TUSC3: variants seen among roughly 807,000 people sequenced by gnomAD.
TUSC3 encodes dolichyl-diphosphooligosaccharide--protein glycosyltransferase subunit TUSC3.
In TUSC3, 45 loss-of-function variants were observed where a neutral mutation model predicts 44.8. The observed-to-expected ratio is 1.00, with a 90% confidence interval of 0.79 to 1.29. The LOEUF (loss-of-function observed/expected upper bound fraction) is 1.29, where lower values mean the gene tolerates loss of function less well. Ranked by LOEUF, TUSC3 falls within the 50% of genes most tolerant of loss-of-function variation. TUSC3 has a pLI of 0.00. For synonymous variants in TUSC3, 212 were observed against 152.9 expected (o/e 1.39, Z -2.85); for missense variants, 519 against 437.9 (o/e 1.19, Z -1.65).
chr8:15,759,930 T>C (rs1046435283), intron 10 of TUSC3, among the ~76,000 whole-genome samples: 3 of 151,640 alleles, frequency 2.0e-5, no homozygotes, highest in Non-Finnish European at 4.4e-5. Context: ...CATTTTGTCC[T>C]CATCCTCATC....
chr8:15,679,014 C>T (rs1808303452), intron 6 of TUSC3, among the ~76,000 whole-genome samples: 1 of 152,122 alleles, frequency 6.6e-6, no homozygotes, highest in Admixed American at 6.6e-5. Flanking sequence ...CGTGGATGAG[C>T]ACCTAGGTTG....
intron 2 of TUSC3, among the ~76,000 whole-genome samples, chr8:15,509,928 G>C (rs773480393): frequency 2.0e-5 from 3 of 152,172 alleles, no homozygotes; most frequent in Non-Finnish European, 2.9e-5. Context: ...AGAAAGCTTT[G>C]GTTGGCCTAG....
intron 6 of TUSC3, among the ~76,000 whole-genome samples, chr8:15,710,268 A>C (rs1809789311): frequency 1.3e-5 from 2 of 151,708 alleles, no homozygotes; most frequent in African/African-American, 4.8e-5. Flanking sequence ...ATGCTACCTA[A>C]TTTTTTGCTT....
In TUSC3 at chr8:15,728,099, A is replaced by C. The variant is rs137889054; in HGVS notation, c.799-2567A>C. Among the ~76,000 whole-genome samples, 359 of 152,324 alleles carry C rather than the reference A, an allele frequency of 2.4e-3. 2 individuals carry two copies. The highest frequency in any genetic ancestry group is 8.3e-3 in the African/African-American group (345 of 41,568). ...TGGCTGCATTTTTAAATTGAAAAGA[A>C]ATACATAGGTTTCTTGTTATTGTGA... On this transcript the variant is annotated intron_variant, in intron 6 of 10. Transcript: ENST00000503731.
chr8:15,727,802 G>C (rs1810559552), intron 6 of TUSC3, among the ~76,000 whole-genome samples: 1 of 152,130 alleles, frequency 6.6e-6, no homozygotes, highest in African/African-American at 2.4e-5. Context: ...TGATTTGTTT[G>C]ATTACATTTG....
chr8:15,564,762 C>T (rs576562676), intron 1 of TUSC3, among the ~76,000 whole-genome samples: 1 of 152,056 alleles, frequency 6.6e-6, no homozygotes, highest in Non-Finnish European at 1.5e-5. Context: ...TCGTCTGCAG[C>T]TTGACCCATC....
intron 6 of TUSC3, among the ~76,000 whole-genome samples, chr8:15,706,539 G>C (rs78767726): frequency 4.0e-5 from 6 of 151,892 alleles, no homozygotes; most frequent in Non-Finnish European, 4.4e-5. Context: ...ACTTAAAAAG[G>C]GTTTGAAGTG....
intron 6 of TUSC3, among the ~76,000 whole-genome samples, chr8:15,692,644 G>T (rs1418773832): frequency 6.7e-6 from 1 of 148,612 alleles, no homozygotes; most frequent in Non-Finnish European, 1.5e-5. Flanking sequence ...AGAGGTATTT[G>T]TAGTAGTTTC....
chr8:15,441,881 C>T (rs936607079), intron 1 of TUSC3, among the ~76,000 whole-genome samples: 1 of 152,116 alleles, frequency 6.6e-6, no homozygotes, highest in Non-Finnish European at 1.5e-5. Context: ...TTACTAGATA[C>T]CAGCTATATG....
At chr8:15,592,305 T>C (rs948441549) in intron 1 of TUSC3, among the ~76,000 whole-genome samples, 1 of 152,256 alleles carries the variant, frequency 6.6e-6, no homozygotes, top group Non-Finnish European at 1.5e-5. Flanking sequence ...CAGTAACATC[T>C]AATGCTTATT....
intron 2 of TUSC3, among the ~76,000 whole-genome samples, chr8:15,498,513 C>A (rs1032548472): frequency 6.6e-6 from 1 of 152,182 alleles, no homozygotes; most frequent in Non-Finnish European, 1.5e-5. Context: ...GGAATCCACC[C>A]AAGGATCCTA....
At chr8:15,478,993 A>G (rs914273450) in intron 1 of TUSC3, among the ~76,000 whole-genome samples, 2 of 152,178 alleles carry the variant, frequency 1.3e-5, no homozygotes, top group South Asian at 2.1e-4. Flanking sequence ...ATGAGATGCT[A>G]TCTCATTTTG....
chr8:15,741,803 A>AAAAG (rs1811210657), intron 7 of TUSC3, among the ~76,000 whole-genome samples: 2 of 152,140 alleles, frequency 1.3e-5, no homozygotes, highest in East Asian at 3.9e-4. Flanking sequence ...ACATGCATAT[A>AAAAG]AAAGATATTG....
chr8:15,815,820 G>A, the TUSC3 span, among the ~76,000 whole-genome samples: 1 of 152,068 alleles, frequency 6.6e-6, no homozygotes, highest in Non-Finnish European at 1.5e-5. Context: ...TTTTCTAAAG[G>A]TGAGAGCTAC....
At chr8:15,609,446 C>T (rs547537015) in intron 1 of TUSC3, among the ~76,000 whole-genome samples, 28 of 152,252 alleles carry the variant, frequency 1.8e-4, no homozygotes, top group Non-Finnish European at 3.8e-4. Context: ...AAGCTTTTAA[C>T]AGCTGCTCTC....
intron 2 of TUSC3, among the ~76,000 whole-genome samples, chr8:15,627,134 A>G (rs1805547171): frequency 6.6e-6 from 1 of 152,212 alleles, no homozygotes; most frequent in Admixed American, 6.5e-5. Flanking sequence ...ATGATGAGAC[A>G]AAGAGATGGC....
At chr8:15,646,098 T>A (rs753084416) in intron 2 of TUSC3, among the ~76,000 whole-genome samples, 29 of 152,154 alleles carry the variant, frequency 1.9e-4, no homozygotes, top group Non-Finnish European at 3.4e-4. Flanking sequence ...TGCTACACAG[T>A]CGCTGAGAAT....
intron 1 of TUSC3, among the ~76,000 whole-genome samples, chr8:15,602,704 G>GTATACGTGTGTGTGTATATA (rs2129155163): frequency 7.0e-6 from 1 of 142,824 alleles, no homozygotes; most frequent in African/African-American, 2.5e-5. Context: ...GTGTATATAT[G>GTATACGTGTGTGTGTATATA]TGTATGTATA....
At chr8:15,428,655 C>G (rs988391830) in intron 1 of TUSC3, among the ~76,000 whole-genome samples, 12 of 152,118 alleles carry the variant, frequency 7.9e-5, no homozygotes, top group Non-Finnish European at 1.5e-4. Context: ...TTGTAATGAT[C>G]GCCATTCTAA....
Sources: gnomAD v4.1 joint callset for allele counts (sites outside exome capture counted in the v4.1 genomes callset) on GRCh38, gnomAD v4.1.1 for gene constraint, MANE v1.5 for transcripts, NCBI Gene and HGNC (gene_info 2026-07-23, HGNC 2026-07-21) for gene names.